CERS6: variants seen among roughly 807,000 people sequenced by gnomAD.
The protein encoded by CERS6 is LAG1 homolog, ceramide synthase 6.
A neutral mutation model predicts 56.8 loss-of-function variants in CERS6; 26 were observed. That is an observed-to-expected ratio of 0.46 (90% CI 0.34 to 0.63). CERS6 has a LOEUF of 0.63. CERS6 is among the 30% of genes least tolerant of loss of function. The pLI is 0.01. For missense variants in CERS6, 415 were observed against 467.5 expected (o/e 0.89, Z 1.04); for synonymous variants, 164 against 173.3 (o/e 0.95, Z 0.42).
At chr2:168,509,167 T>C (rs1190610712) in intron 1 of CERS6, among the ~76,000 whole-genome samples, 2 of 152,222 alleles carry the variant, frequency 1.3e-5, no homozygotes, top group Non-Finnish European at 2.9e-5. Context: ...AGGCCCCTGC[T>C]GATTTGACCA....
At chr2:168,741,045 T>G (rs1342784029) in intron 8 of CERS6, among the ~76,000 whole-genome samples, 1 of 152,140 alleles carries the variant, frequency 6.6e-6, no homozygotes, top group Non-Finnish European at 1.5e-5. Context: ...AGTAACTCAG[T>G]GAGGGCTGAA....
intron 1 of CERS6, among the ~76,000 whole-genome samples, chr2:168,487,997 G>C (rs1482675077): frequency 2.0e-5 from 3 of 152,172 alleles, no homozygotes; most frequent in Non-Finnish European, 4.4e-5. Context: ...TGGGATTACA[G>C]GCATTAACCA....
At chr2:168,739,363 A>G in intron 8 of CERS6, among the ~76,000 whole-genome samples, 1 of 152,164 alleles carries the variant, frequency 6.6e-6, no homozygotes, top group East Asian at 1.9e-4. Flanking sequence ...CGGAGAGGGA[A>G]GAACAGGATA....
At chr2:168,596,999 G>A (rs887480808) in intron 3 of CERS6, among the ~76,000 whole-genome samples, 2 of 152,114 alleles carry the variant, frequency 1.3e-5, no homozygotes, top group African/African-American at 4.8e-5. Context: ...TGTGTTCATG[G>A]CGTCTTTCCT....
chr2:168,518,985 G>A (rs180899317), intron 1 of CERS6, among the ~76,000 whole-genome samples: 2 of 152,188 alleles, frequency 1.3e-5, no homozygotes, highest in East Asian at 1.9e-4. Context: ...GGAATTGCCC[G>A]GGGAGCTCCT....
intron 8 of CERS6, among the ~76,000 whole-genome samples, chr2:168,753,934 C>A (rs1383084904): frequency 6.6e-6 from 1 of 152,228 alleles, no homozygotes; most frequent in South Asian, 2.1e-4. Flanking sequence ...CCGCCCACGC[C>A]ATGCCCAACT....
Position 168,671,135 on chromosome 2 carries a change from A to AT in CERS6, c.466-19889dup, listed in dbSNP as rs1199093677. 7.5e-3 allele frequency among the ~76,000 whole-genome samples: 1,108 copies of AT among 147,934 alleles called. 16 individuals are homozygous for AT. The highest frequency in any genetic ancestry group is 0.025 in the African/African-American group (1,023 of 40,296). ...GCCACCACACCTAGCTAATTTTTGT[A>AT]TTTTTTTTTTCAGTAGAGACAGGGT... On this transcript the variant is annotated intron_variant, in intron 4 of 9. Transcript: ENST00000305747.
intron 2 of CERS6, among the ~76,000 whole-genome samples, chr2:168,552,402 A>C (rs958864288): frequency 2.1e-3 from 308 of 150,066 alleles, no homozygotes; most frequent in Admixed American, 3.7e-3. Flanking sequence ...TACACACACA[A>C]ACACAGAGAA....
intron 8 of CERS6, among the ~76,000 whole-genome samples, chr2:168,762,891 A>G (rs966556042): frequency 5.3e-5 from 5 of 94,598 alleles, no homozygotes; most frequent in Admixed American, 2.4e-4. Context: ...TATTTTTTTG[A>G]GACAAGGTCT....
intron 3 of CERS6, among the ~76,000 whole-genome samples, chr2:168,572,007 A>G (rs1695998223): frequency 6.6e-6 from 1 of 152,140 alleles, no homozygotes; most frequent in Non-Finnish European, 1.5e-5. Context: ...AAGCTAGTGT[A>G]CTGTTCCATG....
At chr2:168,546,314 A>G (rs1695464708) in intron 1 of CERS6, among the ~76,000 whole-genome samples, 1 of 152,218 alleles carries the variant, frequency 6.6e-6, no homozygotes, top group Admixed American at 6.5e-5. Context: ...TCCAGTTTCT[A>G]GAGGATTTAT....
chr2:168,627,100 A>C (rs1684607877), intron 3 of CERS6, among the ~76,000 whole-genome samples: 1 of 152,134 alleles, frequency 6.6e-6, no homozygotes, highest in African/African-American at 2.4e-5. Context: ...GTCTTAGTCT[A>C]TTTCTGTTAT....
chr2:168,684,429 C>A (rs1686294396), intron 4 of CERS6, among the ~76,000 whole-genome samples: 2 of 152,138 alleles, frequency 1.3e-5, no homozygotes, highest in South Asian at 4.1e-4. Context: ...TTATTTATAT[C>A]TTTGTAAAGT....
chr2:168,558,769 T>C (rs985478178), intron 2 of CERS6, among the ~76,000 whole-genome samples: 4 of 152,146 alleles, frequency 2.6e-5, no homozygotes, highest in Non-Finnish European at 5.9e-5. Flanking sequence ...CTCTGGATGC[T>C]GAGGCAGGAG....
intron 8 of CERS6, among the ~76,000 whole-genome samples, chr2:168,753,616 C>T (rs1684337670): frequency 6.6e-6 from 1 of 152,168 alleles, no homozygotes; most frequent in Admixed American, 6.5e-5. Context: ...CTCTCTCTTG[C>T]CAACCTAAAG....
intron 1 of CERS6, among the ~76,000 whole-genome samples, chr2:168,511,952 A>G (rs1262199275): frequency 4.9e-4 from 4 of 8,144 alleles, no homozygotes; most frequent in Non-Finnish European, 1.3e-3. Flanking sequence ...ATGCACGTGC[A>G]CACACACACA....
chr2:168,602,887 G>C (rs1238864790), intron 3 of CERS6, among the ~76,000 whole-genome samples: 1 of 152,190 alleles, frequency 6.6e-6, no homozygotes, highest in Non-Finnish European at 1.5e-5. Context: ...CATCATTTCA[G>C]GGAAATTCTT....
chr2:168,465,174 G>C (rs922611946), intron 1 of CERS6, among the ~76,000 whole-genome samples: 3 of 152,200 alleles, frequency 2.0e-5, no homozygotes, highest in Non-Finnish European at 2.9e-5. Context: ...ATATACATAT[G>C]TCTCCATTTG....
At chr2:168,482,096 T>G (rs1694187133) in intron 1 of CERS6, among the ~76,000 whole-genome samples, 1 of 152,250 alleles carries the variant, frequency 6.6e-6, no homozygotes, top group Admixed American at 6.5e-5. Context: ...TTATGGCATT[T>G]AAACTTGAAT....
Sources: gnomAD v4.1 joint callset for allele counts (sites outside exome capture counted in the v4.1 genomes callset) on GRCh38, gnomAD v4.1.1 for gene constraint, MANE v1.5 for transcripts, NCBI Gene and HGNC (gene_info 2026-07-23, HGNC 2026-07-21) for gene names.